CHD7: variants seen among roughly 807,000 people sequenced by gnomAD.
CHD7 encodes the protein ATP-dependent chromatin remodeler CHD7.
A neutral mutation model predicts 307.3 loss-of-function variants in CHD7; 24 were observed. The ratio of observed to expected loss-of-function variants is 0.08; its 90% confidence interval spans 0.06 to 0.11. The LOEUF is 0.11. Ranked by LOEUF, CHD7 falls within the 10% of genes least tolerant of loss-of-function variation. The probability of loss-of-function intolerance (pLI) is 1.00; values close to 1 mark genes in which losing one functional copy is unlikely to be tolerated. For missense variants in CHD7, 3,106 were observed against 3,727.1 expected (o/e 0.83, Z 4.34); for synonymous variants, 1,363 against 1,349.9 (o/e 1.01, Z -0.21).
At position 60,742,566 on chromosome 8, in the gene CHD7, A is replaced by G; in HGVS notation, c.1134A>G (p.Thr378=). ...HPSGSLNQMN[T]QTMHPSQPQG... ...GTGGCTCACTTAACCAAATGAACAC[A>G]CAAACTATGCATCCTTCACAGCCTC... Residue 378 remains threonine, a synonymous_variant, in exon 2 of 38, where the codon ACA becomes ACG. Coordinates refer to ENST00000423902, the MANE Select transcript of CHD7 (RefSeq NM_017780.4). The G allele has an allele frequency of 6.2e-7, 1 of 1,614,038 alleles. No homozygotes were observed. The highest frequency in any genetic ancestry group is 8.5e-7 in the Non-Finnish European group (1 of 1,179,896).
intron 23 of CHD7, 27 bp downstream of exon 23, chr8:60,845,436 G>C: frequency 1.9e-6 from 3 of 1,609,628 alleles, no homozygotes; most frequent in Non-Finnish European, 1.7e-6. Flanking sequence ...TGGACCTGGA[G>C]AGCTTAATTC....
intron 1 of CHD7, among the ~76,000 whole-genome samples, chr8:60,682,923 T>C (rs890385660): frequency 1.3e-5 from 2 of 152,188 alleles, no homozygotes; most frequent in African/African-American, 4.8e-5. Flanking sequence ...CAGTAAATGA[T>C]TTCTACATGT....
At position 60,860,947 on chromosome 8, in the gene CHD7, C is replaced by A. The variant is rs942070972; in HGVS notation, c.7652C>A (p.Thr2551Asn). The A allele has an allele frequency of 6.2e-7, 1 of 1,613,934 alleles. No individual in the cohort carries two copies. Among genetic ancestry groups the A allele is most frequent in the Non-Finnish European group, 8.5e-7 (1 of 1,179,874 alleles). Residue 2551 changes from threonine (T) to asparagine (N), a missense_variant, in exon 35 of 38, where the codon ACC becomes AAC. By Grantham distance (65) the Thr-to-Asn change is moderately conservative. Coordinates refer to ENST00000423902, the MANE Select transcript of CHD7 (RefSeq NM_017780.4). ...AAAGCTTTTGAAGAAGATATAGAGA[C>A]CCCACCAACAAGAAACATTCCTTCT... ...VTKAFEEDIE[T>N]PPTRNIPSPG...
intron 15 of CHD7, among the ~76,000 whole-genome samples, chr8:60,831,506 A>G (rs1186203057): frequency 6.6e-6 from 1 of 152,106 alleles, no homozygotes; most frequent in Non-Finnish European, 1.5e-5. Flanking sequence ...CTTAAAGGCT[A>G]GTGCATGGAA....
chr8:60,811,134 C>T (rs1812786252), intron 7 of CHD7, among the ~76,000 whole-genome samples: 1 of 152,174 alleles, frequency 6.6e-6, no homozygotes, highest in African/African-American at 2.4e-5. Context: ...GTCCTTGGTG[C>T]CAAAAAGGTT....
intron 2 of CHD7, among the ~76,000 whole-genome samples, chr8:60,745,097 G>A (rs568811134): frequency 6.6e-6 from 1 of 151,804 alleles, no homozygotes; most frequent in Non-Finnish European, 1.5e-5. Context: ...AGGGCAGAAC[G>A]CCTCTCCTCA....
intron 26 of CHD7, 103 bp downstream of exon 26, chr8:60,850,725 T>G: frequency 8.1e-7 from 1 of 1,238,050 alleles, no homozygotes. Flanking sequence ...TGTGTCTGAT[T>G]TGAAGTTCAG....
chr8:60,689,337 T>A (rs1806077431), intron 1 of CHD7, among the ~76,000 whole-genome samples: 1 of 152,222 alleles, frequency 6.6e-6, no homozygotes, highest in Admixed American at 6.5e-5. Flanking sequence ...GCATAAAGTT[T>A]GTGTCAGTTA....
intron 1 of CHD7, among the ~76,000 whole-genome samples, chr8:60,695,096 T>C (rs2150496091): frequency 6.6e-6 from 1 of 152,214 alleles, no homozygotes; most frequent in South Asian, 2.1e-4. Flanking sequence ...GAGCCTGGCA[T>C]GGAGCGGAGA....
In CHD7 at chr8:60,742,496, C is replaced by T. The variant is rs1809094957; in HGVS notation, c.1064C>T (p.Ser355Leu). Residue 355 changes from serine to leucine, a missense_variant, in exon 2 of 38, where the codon TCA (serine) becomes TTA (leucine). Physicochemically the swap from Ser to Leu is moderately radical, Grantham distance 145. Coordinates refer to ENST00000423902, the MANE Select transcript of CHD7 (RefSeq NM_017780.4). ...PRYPNAVGFP[S>L]NSGQGLMHQQ... ...TACCCCAATGCTGTAGGATTCCCAT[C>T]AAACAGTGGTCAAGGACTAATGCAC... is the stretch of plus-strand genomic sequence containing the variant. The T allele has an allele frequency of 6.2e-7, 1 of 1,614,010 alleles. No individual in the cohort carries two copies. The highest frequency in any genetic ancestry group is 8.5e-7 in the Non-Finnish European group (1 of 1,179,880).
chr8:60,679,713 G>A (rs1470536358), intron 1 of CHD7: 1 of 147,742 alleles, frequency 6.8e-6, no homozygotes, highest in South Asian at 2.1e-4. Context: ...GCCGGGAGCT[G>A]CGGCCGCACC....
rs1586446721 is a variant in CHD7 at position 60,853,328 on chromosome 8, G to A, written c.6603G>A (p.Lys2201=). 6.3e-7 allele frequency: 1 copy of A among 1,598,686 alleles called. No homozygotes were observed. Among genetic ancestry groups the A allele is most frequent in the Non-Finnish European group, 8.5e-7 (1 of 1,171,744 alleles). Residue 2201 remains lysine, a synonymous_variant, in exon 31 of 38, where the codon AAG becomes AAA. Transcript: ENST00000423902. ...AAGAAGAAACCGATGGCAGCGGGAA[G>A]GAGAGCAAGCAGGAATGTGAGGCAG... ...EEEEETDGSG[K]ESKQECEAEA... is the part of the protein sequence containing the mutation.
At chr8:60,838,049 A>G (rs1182960443) in intron 18 of CHD7, 27 bp from the exon 19 acceptor site, 1 of 1,427,692 alleles carries the variant, frequency 7.0e-7, no homozygotes. Flanking sequence ...AATTATTTTG[A>G]GTATTTTAAA....
chr8:60,727,538 G>A (rs1430902803), intron 1 of CHD7, among the ~76,000 whole-genome samples: 1 of 152,066 alleles, frequency 6.6e-6, no homozygotes. Flanking sequence ...TTTCTCTGTA[G>A]CATTTGAACT....
chr8:60,786,266 C>CT (rs1811487195), intron 3 of CHD7, among the ~76,000 whole-genome samples: 1 of 152,214 alleles, frequency 6.6e-6, no homozygotes, highest in African/African-American at 2.4e-5. Flanking sequence ...CTTAAACTGG[C>CT]TGAGTAAGCA....
At chr8:60,856,943 C>A in intron 34 of CHD7, 55 bp downstream of exon 34, 1 of 1,448,650 alleles carries the variant, frequency 6.9e-7, no homozygotes, top group Non-Finnish European at 9.3e-7. Context: ...GCTGAGGGTC[C>A]TGTGATGCTC....
intron 25 of CHD7, 64 bp from the exon 26 acceptor site, chr8:60,850,429 T>C: frequency 6.4e-7 from 1 of 1,552,190 alleles, no homozygotes; most frequent in Non-Finnish European, 8.8e-7. Flanking sequence ...TGCTGTGATT[T>C]TGCCAGTGAT....
chr8:60,804,772 TG>T (rs1165428244), intron 6 of CHD7, among the ~76,000 whole-genome samples: 19 of 152,234 alleles, frequency 1.2e-4, no homozygotes, highest in Non-Finnish European at 2.5e-4. Flanking sequence ...GCCTAGACTC[TG>T]GGTGGCTATT....
At chr8:60,835,325 A>T (rs1338074995) in intron 15 of CHD7, among the ~76,000 whole-genome samples, 1 of 152,190 alleles carries the variant, frequency 6.6e-6, no homozygotes, top group Non-Finnish European at 1.5e-5. Flanking sequence ...ACCAGCAAAA[A>T]TCCATGTGGG....
Sources: gnomAD v4.1 joint callset for allele counts (sites outside exome capture counted in the v4.1 genomes callset) on GRCh38, gnomAD v4.1.1 for gene constraint, MANE v1.5 for transcripts, NCBI Gene and HGNC (gene_info 2026-07-23, HGNC 2026-07-21) for gene names.